Variants in S100Z observed in about 807,000 individuals in gnomAD.
The protein encoded by S100Z is protein S100-Z.
S100Z carries 11 observed loss-of-function variants against 8.5 expected under a neutral mutation model. That is an observed-to-expected ratio of 1.30 (90% CI 0.82 to 2.15). The LOEUF (loss-of-function observed/expected upper bound fraction) is 2.15, where lower values mean the gene tolerates loss of function less well. Ranked by LOEUF, S100Z falls within the 30% of genes most tolerant of loss-of-function variation. S100Z has a pLI of 0.00. For missense variants in S100Z, 126 were observed against 117.9 expected (o/e 1.07, Z -0.32); for synonymous variants, 34 against 43.8 (o/e 0.78, Z 0.89).
chr5:76,883,171 G>T (rs1743475984), intron 4 of S100Z, among the ~76,000 whole-genome samples: 1 of 152,018 alleles, frequency 6.6e-6, no homozygotes, highest in South Asian at 2.1e-4. Context: ...GGTTTTAATG[G>T]GATGGTAAGG....
intron 4 of S100Z, among the ~76,000 whole-genome samples, chr5:76,916,787 T>A (rs1480006706): frequency 6.6e-6 from 1 of 152,102 alleles, no homozygotes; most frequent in African/African-American, 2.4e-5. Context: ...GCTAAAGAAG[T>A]CTTGAGAGGC....
In S100Z at chr5:76,877,735, A is replaced by G; in HGVS notation, c.203A>G (p.Asn68Ser). 2 of 1,612,316 alleles carry G rather than the reference A, an allele frequency of 1.2e-6. No individual in the cohort carries two copies. Among genetic ancestry groups the G allele is most frequent in the Non-Finnish European group, 1.7e-6 (2 of 1,178,334 alleles). Residue 68 changes from asparagine to serine, a missense_variant, in exon 4 of 5, where the codon AAC becomes AGC. Physicochemically the swap from Asn to Ser is conservative, Grantham distance 46. Transcript: ENST00000317593. ...IVQDLDANKDNEVDFNEFVVM... is the reference protein window; with the variant it reads ...IVQDLDANKDSEVDFNEFVVM... ...CAGGACCTGGATGCCAATAAGGACA[A>G]CGAAGTGGATTTTAATGAATTCGTG...
intron 1 of S100Z, among the ~76,000 whole-genome samples, chr5:76,867,184 A>T (rs931374088): frequency 2.0e-5 from 3 of 152,330 alleles, no homozygotes; most frequent in Admixed American, 2.0e-4. Flanking sequence ...TGACACCATC[A>T]CCACAGTCAA....
At chr5:76,926,889 G>C in the S100Z span, among the ~76,000 whole-genome samples, 2 of 152,184 alleles carry the variant, frequency 1.3e-5, no homozygotes, top group African/African-American at 4.8e-5. Context: ...TAAACACAAG[G>C]ATTAGGTATT....
intron 4 of S100Z, among the ~76,000 whole-genome samples, chr5:76,893,707 A>C (rs758493681): frequency 2.6e-5 from 4 of 152,178 alleles, no homozygotes; most frequent in Non-Finnish European, 5.9e-5. Flanking sequence ...TAGGGACTAA[A>C]AAGAGATTCC....
rs6886998 is a variant in S100Z, at chr5:76,863,761, A to G, written c.-175-6405A>G. 6.5e-3 allele frequency among the ~76,000 whole-genome samples: 989 copies of G among 152,142 alleles called. 7 individuals are homozygous for G. The highest frequency in any genetic ancestry group is 0.02 in the African/African-American group (828 of 41,460). Reference sequence around the variant, plus strand: ...CACCGTGTTAGCCAGGATGGTCTCGATCTCCTGACCTTGTGATCCACCCAC... The same window carrying G: ...CACCGTGTTAGCCAGGATGGTCTCGGTCTCCTGACCTTGTGATCCACCCAC... On this transcript the variant is annotated intron_variant, in intron 1 of 4. Transcript: ENST00000317593.
chr5:76,914,148 G>T (rs112339611), intron 4 of S100Z, among the ~76,000 whole-genome samples: 3,469 of 152,170 alleles, frequency 0.023, 110 homozygotes, highest in African/African-American at 0.077. Context: ...CCCTCTGGAG[G>T]ACATTACAAC....
the S100Z span, among the ~76,000 whole-genome samples, chr5:76,943,975 G>T: frequency 6.6e-6 from 1 of 152,072 alleles, no homozygotes; most frequent in Non-Finnish European, 1.5e-5. Context: ...TTTTATAACA[G>T]ATTGCGTTAT....
chr5:76,888,171 C>A (rs931244620), intron 4 of S100Z, among the ~76,000 whole-genome samples: 1 of 150,496 alleles, frequency 6.6e-6, no homozygotes, highest in Non-Finnish European at 1.5e-5. Context: ...GCAGGAGAAT[C>A]GCTGGAACCC....
At position 76,865,767 on chromosome 5, in the gene S100Z, C is replaced by T. The variant is rs914587629; in HGVS notation, c.-175-4399C>T. Among the ~76,000 whole-genome samples, 212 of 151,444 alleles carry T rather than the reference C, an allele frequency of 1.4e-3. 1 individual carries two copies. The highest frequency in any genetic ancestry group is 1.5e-4 in the Non-Finnish European group (10 of 67,850). On this transcript the variant is annotated intron_variant, in intron 1 of 4. Transcript: ENST00000317593. Reference sequence around the variant, plus strand: ...GTGGCTCATGCCTGTAATCCCAGCACTTTGGGCGGTTGAGGTGGGTGGATC... The same window carrying T: ...GTGGCTCATGCCTGTAATCCCAGCATTTTGGGCGGTTGAGGTGGGTGGATC...
At chr5:76,934,425 C>T in the S100Z span, among the ~76,000 whole-genome samples, 1 of 152,138 alleles carries the variant, frequency 6.6e-6, no homozygotes, top group Non-Finnish European at 1.5e-5. Flanking sequence ...AACTCAAGGC[C>T]AAGTGATCTC....
intron 4 of S100Z, among the ~76,000 whole-genome samples, chr5:76,902,628 GT>G (rs150345707): frequency 0.092 from 13,628 of 148,610 alleles, 1,872 homozygotes; most frequent in African/African-American, 0.31. Flanking sequence ...ATGAAGGTGG[GT>G]TTTTTTTGTT....
chr5:76,871,351 C>T (rs116253759), intron 2 of S100Z, among the ~76,000 whole-genome samples: 2,052 of 152,064 alleles, frequency 0.013, 49 homozygotes, highest in African/African-American at 0.046. Context: ...CAAAAAGAAA[C>T]ATTTATCATT....
At chr5:76,883,372 C>T (rs543041598) in intron 4 of S100Z, among the ~76,000 whole-genome samples, 1 of 152,250 alleles carries the variant, frequency 6.6e-6, no homozygotes, top group South Asian at 2.1e-4. Flanking sequence ...AATAAGAGAG[C>T]TGGGCAGGTG....
chr5:76,914,770 GGAAC>G lies in S100Z; in HGVS notation c.*3-5946_*3-5943del, dbSNP rs1385471107. Among the ~76,000 whole-genome samples, 11 of 152,196 alleles carry G rather than the reference GGAAC, an allele frequency of 7.2e-5. No homozygotes were observed. The East Asian group carries it at 9.7e-4, about 13-fold the overall frequency. ...CAGCGAGACCACAAACCCACTGGAA[GGAAC>G]AAACAACTCCTGACGCACCACCTTT... On this transcript the variant is annotated intron_variant, in intron 4 of 4. Transcript: ENST00000317593.
chr5:76,914,951 A>G (rs774446444), intron 4 of S100Z, among the ~76,000 whole-genome samples: 97 of 152,300 alleles, frequency 6.4e-4, no homozygotes, highest in Non-Finnish European at 1.1e-3. Flanking sequence ...ACTCACCGCA[A>G]GGGTCTGTGG....
chr5:76,887,312 A>C (rs543895560), intron 4 of S100Z, among the ~76,000 whole-genome samples: 1 of 149,616 alleles, frequency 6.7e-6, no homozygotes, highest in African/African-American at 2.5e-5. Context: ...GGGGCCAGAA[A>C]GGTCTCGATC....
At chr5:76,904,466 A>C (rs1221269976) in intron 4 of S100Z, among the ~76,000 whole-genome samples, 3 of 152,098 alleles carry the variant, frequency 2.0e-5, no homozygotes, top group Non-Finnish European at 4.4e-5. Flanking sequence ...TTTTTAGTAG[A>C]GATGGGGTTT....
chr5:76,905,716 T>G (rs1315883721), intron 4 of S100Z, among the ~76,000 whole-genome samples: 2 of 152,226 alleles, frequency 1.3e-5, no homozygotes, highest in East Asian at 1.9e-4. Flanking sequence ...CTGGCCATTT[T>G]GAGTTAATTT....
Sources: gnomAD v4.1 joint callset for allele counts (sites outside exome capture counted in the v4.1 genomes callset) on GRCh38, gnomAD v4.1.1 for gene constraint, MANE v1.5 for transcripts, NCBI Gene and HGNC (gene_info 2026-07-23, HGNC 2026-07-21) for gene names.